Variants in QTMAN observed in about 807,000 individuals in gnomAD.
QTMAN encodes queuosine-tRNA mannosyltransferase, also known as tRNA-queuosine alpha-mannosyltransferase.
At chr2:144,040,878 A>G in the QTMAN span, among the ~76,000 whole-genome samples, 17 of 152,186 alleles carry the variant, frequency 1.1e-4, no homozygotes, top group African/African-American at 4.1e-4. Context: ...AGGTGGATTT[A>G]TTATCATTAT....
the QTMAN span, among the ~76,000 whole-genome samples, chr2:144,036,820 G>A: frequency 6.6e-6 from 1 of 151,998 alleles, no homozygotes; most frequent in African/African-American, 2.4e-5. Flanking sequence ...ATTTTTTTGG[G>A]GGTAATCAAA....
the QTMAN span, among the ~76,000 whole-genome samples, chr2:144,151,881 C>G: frequency 2.0e-5 from 3 of 152,222 alleles, no homozygotes; most frequent in African/African-American, 7.2e-5. Flanking sequence ...TTAATTGGAC[C>G]ATTTCTACTG....
the QTMAN span, among the ~76,000 whole-genome samples, chr2:144,026,376 A>G: frequency 6.6e-6 from 1 of 152,190 alleles, no homozygotes; most frequent in South Asian, 2.1e-4. Context: ...TGGAGGTTGC[A>G]GTGAGCCGAG....
chr2:144,300,829 G>C, the QTMAN span, among the ~76,000 whole-genome samples: 2 of 152,106 alleles, frequency 1.3e-5, no homozygotes, highest in African/African-American at 4.8e-5. Flanking sequence ...CGAGAAAATG[G>C]TCTTGTCCAG....
At chr2:144,234,377 T>C in the QTMAN span, among the ~76,000 whole-genome samples, 1 of 152,190 alleles carries the variant, frequency 6.6e-6, no homozygotes, top group East Asian at 1.9e-4. Context: ...CATTAGCTCC[T>C]AGATGTATGA....
chr2:144,309,808 T>G, the QTMAN span, among the ~76,000 whole-genome samples: 2 of 152,348 alleles, frequency 1.3e-5, no homozygotes, highest in African/African-American at 4.8e-5. Context: ...CATTTGGAAA[T>G]AGCATCATTC....
chr2:144,016,802 G>A, the QTMAN span, among the ~76,000 whole-genome samples: 7,000 of 152,122 alleles, frequency 0.046, 263 homozygotes, highest in East Asian at 0.17. Flanking sequence ...ATACTATGGC[G>A]GAAAAAGGGC....
the QTMAN span, among the ~76,000 whole-genome samples, chr2:144,169,420 A>G: frequency 1.6e-4 from 25 of 152,300 alleles, no homozygotes; most frequent in Admixed American, 5.2e-4. Flanking sequence ...CACTTAATTA[A>G]AAAATATTTT....
At chr2:144,006,095 G>A in the QTMAN span, 1 of 152,000 alleles carries the variant, frequency 6.6e-6, no homozygotes, top group Non-Finnish European at 1.5e-5. Flanking sequence ...TGTCACATTC[G>A]AAGTAAAATA....
the QTMAN span, among the ~76,000 whole-genome samples, chr2:144,329,057 T>C: frequency 6.6e-6 from 1 of 151,998 alleles, no homozygotes; most frequent in Non-Finnish European, 1.5e-5. Context: ...TTGGCCAACA[T>C]GGTGAAACCC....
At chr2:144,024,381 G>C in the QTMAN span, among the ~76,000 whole-genome samples, 1 of 152,196 alleles carries the variant, frequency 6.6e-6, no homozygotes, top group Non-Finnish European at 1.5e-5. Context: ...ATGATGAAGT[G>C]GAAAAGGTTA....
At chr2:144,098,190 A>C in the QTMAN span, among the ~76,000 whole-genome samples, 2 of 152,352 alleles carry the variant, frequency 1.3e-5, no homozygotes, top group South Asian at 4.1e-4. Flanking sequence ...GCTCACAACC[A>C]ATACGTCAAA....
the QTMAN span, among the ~76,000 whole-genome samples, chr2:144,009,151 G>T: frequency 6.6e-6 from 1 of 152,076 alleles, no homozygotes; most frequent in African/African-American, 2.4e-5. Flanking sequence ...GCAGGGTCTT[G>T]TAAAGATAGT....
At chr2:144,330,995 ATGT>A in the QTMAN span, among the ~76,000 whole-genome samples, 1 of 152,266 alleles carries the variant, frequency 6.6e-6, no homozygotes, top group African/African-American at 2.4e-5. Flanking sequence ...CAAACTGGTG[ATGT>A]TAAAAAATTT....
the QTMAN span, among the ~76,000 whole-genome samples, chr2:144,259,633 A>G: frequency 6.6e-6 from 1 of 152,236 alleles, no homozygotes; most frequent in Non-Finnish European, 1.5e-5. Context: ...CAACTAAAAG[A>G]AAATAAAACT....
the QTMAN span, among the ~76,000 whole-genome samples, chr2:144,089,834 G>A: frequency 1.3e-5 from 2 of 151,880 alleles, no homozygotes; most frequent in Admixed American, 1.3e-4. Context: ...TGGTAAGATA[G>A]AAGGAATAAA....
At chr2:144,155,433 A>C in the QTMAN span, among the ~76,000 whole-genome samples, 1 of 152,154 alleles carries the variant, frequency 6.6e-6, no homozygotes, top group African/African-American at 2.4e-5. Context: ...AAACTAATAT[A>C]ATTAGTATGT....
the QTMAN span, among the ~76,000 whole-genome samples, chr2:144,182,798 TTA>T: frequency 1.9e-4 from 5 of 26,138 alleles, no homozygotes; most frequent in East Asian, 4.8e-3. Flanking sequence ...TATATATATA[TTA>T]TATATATAAT....
chr2:144,332,435 T>TCACCTCCTC, the QTMAN span: 1 of 147,084 alleles, frequency 6.8e-6, no homozygotes, highest in African/African-American at 2.5e-5. Context: ...CGGAGCCTAC[T>TCACCTCCTC]CACCTCCTCC....
Sources: gnomAD v4.1 joint callset for allele counts (sites outside exome capture counted in the v4.1 genomes callset) on GRCh38, gnomAD v4.1.1 for gene constraint, MANE v1.5 for transcripts, NCBI Gene and HGNC (gene_info 2026-07-23, HGNC 2026-07-21) for gene names.